The following TGFB1 variants were observed in gnomAD, a reference collection of about 807,000 sequenced individuals.
TGFB1 encodes the protein transforming growth factor beta 1.
TGFB1 carries 19 observed loss-of-function variants against 43.8 expected under a neutral mutation model. That is an observed-to-expected ratio of 0.43 (90% confidence interval 0.30 to 0.64). The LOEUF is 0.64. Among genes scored for constraint, TGFB1 ranks in the 30% least tolerant of loss-of-function variants. TGFB1 has a pLI of 0.11. For missense variants in TGFB1, 445 were observed against 529.8 expected (o/e 0.84, Z 1.57); for synonymous variants, 221 against 236.3 (o/e 0.94, Z 0.60).
At position 41,330,469 on chromosome 19, in the gene TGFB1, A is replaced by T. The variant is rs191687196; in HGVS notation, c.*583T>A. ...GGCTGGTCTCAAATGCCTGGATTCA[A>T]GTAATCCTCCCATCTCTGCCTCCCA... is the stretch of plus-strand genomic sequence containing the variant. On this transcript the variant is annotated 3_prime_UTR_variant, in exon 7 of 7. Coordinates refer to ENST00000221930, the MANE Select transcript of TGFB1 (RefSeq NM_000660.7). 1.2e-4 allele frequency: 19 copies of T among 152,438 alleles called. No homozygotes were observed. The highest frequency in any genetic ancestry group is 4.6e-4 in the African/African-American group (19 of 41,544). The allele number at this position is 152,438 out of a possible 1,614,324, so 9.4% of individuals were successfully genotyped here. A position where few individuals can be genotyped will look rare whatever the true frequency, so the allele number is the denominator to read the frequency against.
chr19:41,345,483 C>T (rs376424649), intron 2 of TGFB1, among the ~76,000 whole-genome samples: 32 of 152,038 alleles, frequency 2.1e-4, no homozygotes, highest in African/African-American at 6.3e-4. Flanking sequence ...GGCGACAGGA[C>T]GAGACTTCGT....
rs1177423261 is a variant in TGFB1, at chr19:41,348,711, C to A, written c.356-256G>T. 2.0e-5 allele frequency among the ~76,000 whole-genome samples: 3 copies of A among 151,686 alleles called. No homozygotes were observed. In the Admixed American group the frequency reaches 2.0e-4, roughly 10 times the overall value. ...CAATCTCTGCTCACTGCAACCTCCG[C>A]CTCCAGGGTTCAAGCAATTCTCCTG... is the stretch of plus-strand genomic sequence containing the variant. On this transcript the variant is annotated intron_variant, in intron 1 of 6. Transcript: ENST00000221930.
At position 41,348,062 on chromosome 19, in the gene TGFB1, G is replaced by A. The variant is rs548296311; in HGVS notation, c.516+233C>T. On this transcript the variant is annotated intron_variant, in intron 2 of 6. Transcript: ENST00000221930. ...CAGGAGAATCACTGGAACCCAGGAGGCGGAGATTGCAGTGAGCTGAGGTCA... is the reference window on the plus strand; with the variant it reads ...CAGGAGAATCACTGGAACCCAGGAGACGGAGATTGCAGTGAGCTGAGGTCA... Among the ~76,000 whole-genome samples the A allele has an allele frequency of 4.6e-5, 7 of 152,080 alleles. No individual in the cohort carries two copies. The East Asian group carries it at 1.4e-3, about 29-fold the overall frequency.
rs189709530 is a variant in TGFB1 at position 41,351,359 on chromosome 19, C to T, written c.355+1331G>A. Among the ~76,000 whole-genome samples, 87 of 152,324 alleles carry T rather than the reference C, an allele frequency of 5.7e-4. 1 individual carries two copies. In the East Asian group the frequency reaches 0.017, roughly 29 times the overall value. On this transcript the variant is annotated intron_variant, in intron 1 of 6. Coordinates refer to ENST00000221930, the MANE Select transcript of TGFB1 (RefSeq NM_000660.7). ...TCTGAACCACGCGGGACGCCTGGGTCCTCGCATGGATGCCGACGGGGCCGG... is the reference window on the plus strand; with the variant it reads ...TCTGAACCACGCGGGACGCCTGGGTTCTCGCATGGATGCCGACGGGGCCGG...
At chr19:41,332,042 C>A in intron 6 of TGFB1, 86 bp downstream of exon 6, 1 of 1,534,710 alleles carries the variant, frequency 6.5e-7, no homozygotes, top group East Asian at 2.3e-5. Flanking sequence ...CAACTCACCT[C>A]TCTGACTTTA....
At chr19:41,342,551 G>A (rs1026443803) in intron 3 of TGFB1, among the ~76,000 whole-genome samples, 5 of 145,238 alleles carry the variant, frequency 3.4e-5, no homozygotes, top group African/African-American at 1.3e-4. Context: ...GTCTGGCTCT[G>A]TTGCCCAGGC....
intron 1 of TGFB1, among the ~76,000 whole-genome samples, chr19:41,349,303 G>A (rs930813276): frequency 6.6e-6 from 1 of 152,216 alleles, no homozygotes; most frequent in African/African-American, 2.4e-5. Flanking sequence ...TTTAAGCGCT[G>A]TGTAACCTTG....
At chr19:41,338,351 G>C (rs942528959) in intron 5 of TGFB1, among the ~76,000 whole-genome samples, 15 of 151,512 alleles carry the variant, frequency 9.9e-5, no homozygotes, top group African/African-American at 3.6e-4. Context: ...AAAGTTAGCC[G>C]GGCATGGTGG....
intron 3 of TGFB1, among the ~76,000 whole-genome samples, chr19:41,343,899 TCTC>T (rs990684085): frequency 7.7e-6 from 1 of 130,458 alleles, no homozygotes; most frequent in African/African-American, 3.1e-5. Flanking sequence ...GAGACAATCA[TCTC>T]CTGGACAGAT....
At chr19:41,352,037 C>T (rs2038205948) in intron 1 of TGFB1, among the ~76,000 whole-genome samples, 1 of 152,066 alleles carries the variant, frequency 6.6e-6, no homozygotes, top group East Asian at 1.9e-4. Context: ...CGCTTGCCTC[C>T]TCCTTCCAAT....
Position 41,348,275 on chromosome 19 carries a change from C to T in TGFB1, c.516+20G>A. The T allele has an allele frequency of 6.2e-7, 1 of 1,611,472 alleles. No homozygotes were observed. The highest frequency in any genetic ancestry group is 2.2e-5 in the East Asian group (1 of 44,822). ...CTCTCCAGCCCATGCCCTGACCTTC[C>T]TTCTGGCTCATGTCCTCACCTGGTA... On this transcript the variant is annotated intron_variant, in intron 2 of 6. Coordinates refer to ENST00000221930, the MANE Select transcript of TGFB1 (RefSeq NM_000660.7).
intron 3 of TGFB1, among the ~76,000 whole-genome samples, chr19:41,343,814 T>C (rs1316536658): frequency 7.4e-6 from 1 of 135,824 alleles, no homozygotes; most frequent in Non-Finnish European, 1.6e-5. Flanking sequence ...TGGGCAATTA[T>C]TGAATAAAAG....
At position 41,331,217 on chromosome 19, in the gene TGFB1, G is replaced by A. The variant is rs372269771; in HGVS notation, c.1015-7C>T. The A allele has an allele frequency of 1.3e-5, 19 of 1,512,322 alleles. No homozygotes were observed. Among genetic ancestry groups the A allele is most frequent in the East Asian group, 1.3e-4 (5 of 39,824 alleles). 93.7% of individuals were successfully genotyped at this position (1,512,322 alleles called of 1,614,324 possible). On this transcript the variant is annotated splice_region_variant and splice_polypyrimidine_tract_variant and intron_variant, in intron 6 of 6. Transcript: ENST00000221930. ...GGTTGTACAGGGCCAGGACCTGCGG[G>A]CGGCGGGCGGGGTCAGGGCTCAGGG...
At position 41,344,727 on chromosome 19, in the gene TGFB1, G is replaced by T; in HGVS notation, c.634+20C>A. 6.2e-7 allele frequency: 1 copy of T among 1,608,402 alleles called. No homozygotes were observed. Among genetic ancestry groups the T allele is most frequent in the South Asian group, 1.1e-5 (1 of 90,890 alleles). Reference sequence around the variant, plus strand: ...GGACCCCAGGGAGAAACAGGGGTGGGACACACAAGTAATCCTCACCTCCAC... The same window carrying T: ...GGACCCCAGGGAGAAACAGGGGTGGTACACACAAGTAATCCTCACCTCCAC... On this transcript the variant is annotated intron_variant, in intron 3 of 6. Transcript: ENST00000221930.
At chr19:41,348,975 A>T (rs1213532701) in intron 1 of TGFB1, among the ~76,000 whole-genome samples, 1 of 151,952 alleles carries the variant, frequency 6.6e-6, no homozygotes. Context: ...TTCTCCCCCT[A>T]GGTTTGTTTC....
chr19:41,335,349 C>T (rs147648962), intron 5 of TGFB1, among the ~76,000 whole-genome samples: 8 of 152,240 alleles, frequency 5.3e-5, no homozygotes, highest in African/African-American at 1.2e-4. Flanking sequence ...CCACCGCACC[C>T]GGCTCAGAAT....
At chr19:41,349,594 T>TA (rs2038158796) in intron 1 of TGFB1, among the ~76,000 whole-genome samples, 2 of 152,124 alleles carry the variant, frequency 1.3e-5, no homozygotes, top group African/African-American at 4.8e-5. Flanking sequence ...CCGTTTCTAC[T>TA]AAAAATACAA....
In TGFB1 at chr19:41,351,372, C is replaced by T. The variant is rs146504446; in HGVS notation, c.355+1318G>A. ...GGACGCCTGGGTCCTCGCATGGATG[C>T]CGACGGGGCCGGCTGAGTGGGAGCC... On this transcript the variant is annotated intron_variant, in intron 1 of 6. Transcript: ENST00000221930. 6.0e-3 allele frequency among the ~76,000 whole-genome samples: 914 copies of T among 152,328 alleles called. 6 individuals are homozygous for T. Among genetic ancestry groups the T allele is most frequent in the African/African-American group, 0.021 (865 of 41,586 alleles).
intron 2 of TGFB1, among the ~76,000 whole-genome samples, chr19:41,345,768 G>A (rs2038109425): frequency 1.3e-5 from 2 of 152,128 alleles, no homozygotes; most frequent in South Asian, 4.2e-4. Context: ...CAGGCGTGGT[G>A]GCACACGCCT....
Sources: allele counts gnomAD v4.1 joint callset (sites outside exome capture counted in the v4.1 genomes callset), GRCh38; gene constraint gnomAD v4.1.1; transcripts MANE v1.5; gene names NCBI Gene and HGNC (gene_info 2026-07-23, HGNC 2026-07-21).